Variants in RAB8A observed in about 807,000 individuals in gnomAD.
RAB8A encodes RAB8A, member RAS oncogene family.
In RAB8A, 5 loss-of-function variants were observed where a neutral mutation model predicts 29.2. That is an observed-to-expected ratio of 0.17 (90% confidence interval 0.09 to 0.36). RAB8A has a LOEUF of 0.36. Among genes scored for constraint, RAB8A ranks in the 10% least tolerant of loss-of-function variants. The probability of loss-of-function intolerance (pLI) is 1.00; values close to 1 mark genes in which losing one functional copy is unlikely to be tolerated. For synonymous variants in RAB8A, 108 were observed against 99.9 expected, an observed-to-expected ratio of 1.08 and a Z score of -0.49; for missense variants, 171 against 272.2, an observed-to-expected ratio of 0.63 and a Z score of 2.62.
At chr19:16,129,133 G>A (rs2090914585) in intron 6 of RAB8A, among the ~76,000 whole-genome samples, 1 of 150,036 alleles carries the variant, frequency 6.7e-6, no homozygotes, top group Non-Finnish European at 1.5e-5. Flanking sequence ...GAACCTAGGA[G>A]TCAGAGACAA....
At chr19:16,120,953 G>A (rs1333418749) in intron 2 of RAB8A, among the ~76,000 whole-genome samples, 1 of 137,870 alleles carries the variant, frequency 7.3e-6, no homozygotes, top group Non-Finnish European at 1.5e-5. Context: ...GTCTTGCTCT[G>A]TCACCCAGGC....
rs571308055 is a variant in RAB8A, at chr19:16,122,400, G to T, written c.246+590G>T. 6.6e-6 allele frequency among the ~76,000 whole-genome samples: 1 copy of T among 152,310 alleles called. No individual in the cohort carries two copies. Among genetic ancestry groups the T allele is most frequent in the East Asian group, 1.9e-4 (1 of 5,188 alleles). ...CTGTGTGTACATGGCAGGGCATTCA[G>T]GGGTAGAGGGAGCAGGAGGTGGAGC... On this transcript the variant is annotated intron_variant, in intron 3 of 7. Transcript: ENST00000300935. This position sits in a 1 kb window ranked among gnomAD's most constrained non-coding sequence, Gnocchi z 4.7.
chr19:16,118,413 T>G, intron 2 of RAB8A, 127 bp downstream of exon 2: 1 of 820,842 alleles, frequency 1.2e-6, no homozygotes, highest in Non-Finnish European at 1.9e-6. Context: ...TCCTGGCACA[T>G]GGGGCTTTCT....
At chr19:16,112,057 G>A (rs1254922148) in intron 1 of RAB8A, 32 bp downstream of exon 1, 2 of 1,610,618 alleles carry the variant, frequency 1.2e-6, no homozygotes, top group Admixed American at 1.7e-5. Flanking sequence ...TGGGGGCGCC[G>A]GAGGCCCGGG....
Position 16,127,509 on chromosome 19 carries a change from A to G in RAB8A, c.397A>G (p.Lys133Glu). Residue 133 changes from lysine (K) to glutamate (E), a missense_variant, in exon 5 of 8, where the codon AAG (lysine) becomes GAG (glutamate). Lys to Glu is a moderately conservative substitution (Grantham distance 56). Transcript: ENST00000300935. This position sits in a 1 kb window ranked among gnomAD's most constrained non-coding sequence, Gnocchi z 4.8. Reference sequence around the variant, plus strand: ...TGTGAATGACAAGAGACAAGTTTCCAAGGAACGGGGAGAAAAGGTGGGCAT... The same window carrying G: ...TGTGAATGACAAGAGACAAGTTTCCGAGGAACGGGGAGAAAAGGTGGGCAT... ...CDVNDKRQVS[K>E]ERGEKLALDY... The G allele has an allele frequency of 6.5e-7, 1 of 1,541,120 alleles. No homozygotes were observed. The highest frequency in any genetic ancestry group is 8.7e-7 in the Non-Finnish European group (1 of 1,147,878).
At position 16,120,878 on chromosome 19, in the gene RAB8A, T is replaced by C. The variant is rs529531824; in HGVS notation, c.186-872T>C. On this transcript the variant is annotated intron_variant, in intron 2 of 7. Coordinates refer to ENST00000300935, the MANE Select transcript of RAB8A (RefSeq NM_005370.5). ...CACCCGCCTCGGCCTCTTAAAGTGCTGGGATTACAGATGTAAGCCACTGCA... is the reference window on the plus strand; with the variant it reads ...CACCCGCCTCGGCCTCTTAAAGTGCCGGGATTACAGATGTAAGCCACTGCA... Among the ~76,000 whole-genome samples the C allele has an allele frequency of 8.6e-5, 13 of 151,894 alleles. No homozygotes were observed. The East Asian group carries it at 2.5e-3, about 29-fold the overall frequency.
Position 16,119,930 on chromosome 19 carries a change from C to T in RAB8A, c.185+1644C>T, listed in dbSNP as rs575783102. ...CTGGGTTCAGGCAATTCTTCTGCCTCGGCCTCCCAAGTAGCTGGGATTACA... is the reference window on the plus strand; with the variant it reads ...CTGGGTTCAGGCAATTCTTCTGCCTTGGCCTCCCAAGTAGCTGGGATTACA... On this transcript the variant is annotated intron_variant, in intron 2 of 7. Transcript: ENST00000300935. Among the ~76,000 whole-genome samples the T allele has an allele frequency of 2.6e-5, 4 of 152,136 alleles. No individual in the cohort carries two copies. In the South Asian group the frequency reaches 6.2e-4, roughly 24 times the overall value.
At chr19:16,117,038 A>G (rs2090848985) in intron 1 of RAB8A, among the ~76,000 whole-genome samples, 1 of 152,094 alleles carries the variant, frequency 6.6e-6, no homozygotes, top group African/African-American at 2.4e-5. Context: ...AGTGACCTTT[A>G]GTGTCTGGCT....
At chr19:16,113,715 A>G (rs2090834057) in intron 1 of RAB8A, among the ~76,000 whole-genome samples, 1 of 152,182 alleles carries the variant, frequency 6.6e-6, no homozygotes, top group African/African-American at 2.4e-5. Context: ...GTGCTTTATA[A>G]AACAGTTATA....
chr19:16,116,705 C>T (rs745337355), intron 1 of RAB8A, among the ~76,000 whole-genome samples: 7 of 151,960 alleles, frequency 4.6e-5, no homozygotes, highest in Non-Finnish European at 7.4e-5. Context: ...CATGGTGGCG[C>T]GTGCCGGCAG....
At position 16,133,267 on chromosome 19, in the gene RAB8A, C is replaced by T. The variant is rs1479896059; in HGVS notation, c.*963C>T. On this transcript the variant is annotated 3_prime_UTR_variant, in exon 8 of 8. Coordinates refer to ENST00000300935, the MANE Select transcript of RAB8A (RefSeq NM_005370.5). ...TGATCGGGAACAAGCACGTTGTACC[C>T]TTGGCTGGACATGGCCAAGACACAA... 1 of 152,226 alleles carries T rather than the reference C, an allele frequency of 6.6e-6. No individual in the cohort carries two copies. The highest frequency in any genetic ancestry group is 1.5e-5 in the Non-Finnish European group (1 of 68,062). The allele number at this position is 152,226 out of a possible 1,614,324, so 9.4% of individuals were successfully genotyped here.
At chr19:16,128,152 G>T in intron 6 of RAB8A, 61 bp downstream of exon 6, 1 of 1,566,066 alleles carries the variant, frequency 6.4e-7, no homozygotes, top group East Asian at 2.3e-5. Flanking sequence ...TCAGGCTAAA[G>T]GGGGAGCTGG....
At position 16,132,370 on chromosome 19, in the gene RAB8A, C is replaced by T. The variant is rs1278727772; in HGVS notation, c.*66C>T. On this transcript the variant is annotated 3_prime_UTR_variant, in exon 8 of 8. Transcript: ENST00000300935. The surrounding 1 kb of genome is among the most constrained non-coding windows in gnomAD (Gnocchi z 5.6). ...CTGTGCCTGTTCTGAGTGAGCCCCT[C>T]ACTCAGCCGGGGCCCTCCCACCTCC... 1 of 1,533,072 alleles carries T rather than the reference C, an allele frequency of 6.5e-7. No homozygotes were observed. The highest frequency in any genetic ancestry group is 1.1e-5 in the South Asian group (1 of 87,006). 95.0% of individuals were successfully genotyped at this position (1,533,072 alleles called of 1,614,324 possible).
intron 1 of RAB8A, among the ~76,000 whole-genome samples, chr19:16,115,955 G>A (rs536312686): frequency 1.3e-5 from 2 of 152,302 alleles, no homozygotes; most frequent in Admixed American, 6.5e-5. Context: ...AACTCCTGGT[G>A]GCAAAGGCTG....
At chr19:16,116,891 C>CAA (rs1160942876) in intron 1 of RAB8A, among the ~76,000 whole-genome samples, 1,144 of 92,598 alleles carry the variant, frequency 0.012, 32 homozygotes, top group Middle Eastern at 0.047. Context: ...AACTCCATCT[C>CAA]AAAAAAAAAA....
intron 7 of RAB8A, 115 bp downstream of exon 7, chr19:16,129,719 C>T (rs1431773178): frequency 2.9e-6 from 3 of 1,020,984 alleles, no homozygotes; most frequent in East Asian, 2.4e-5. Context: ...AGCCAGACCC[C>T]ATGGGACATT....
intron 7 of RAB8A, among the ~76,000 whole-genome samples, chr19:16,130,113 G>A (rs1160479417): frequency 6.6e-6 from 1 of 151,226 alleles, no homozygotes; most frequent in African/African-American, 2.4e-5. Flanking sequence ...AGGGAAGTCT[G>A]CATGAATCCC....
intron 6 of RAB8A, 55 bp from the exon 7 acceptor site, chr19:16,129,499 G>T: frequency 3.2e-6 from 5 of 1,570,360 alleles, no homozygotes; most frequent in Non-Finnish European, 4.4e-6. Context: ...TACACGGGCG[G>T]CTGAGGACTC....
Position 16,121,420 on chromosome 19 carries a change from C to A in RAB8A, c.186-330C>A, listed in dbSNP as rs764840692. ...TTTCCTGAGTCCCAGCCACCCTCAA[C>A]AGCAAGAGCTATGTTCCTGAGCCAC... On this transcript the variant is annotated intron_variant, in intron 2 of 7. Transcript: ENST00000300935. 2.6e-5 allele frequency among the ~76,000 whole-genome samples: 4 copies of A among 152,194 alleles called. No homozygotes were observed. The East Asian group carries it at 7.7e-4, about 29-fold the overall frequency.
Sources: gnomAD v4.1 joint callset for allele counts (sites outside exome capture counted in the v4.1 genomes callset) on GRCh38, gnomAD v4.1.1 for gene constraint, Gnocchi (gnomAD v3.1) non-coding constraint, MANE v1.5 for transcripts, NCBI Gene and HGNC (gene_info 2026-07-23, HGNC 2026-07-21) for gene names.